SLC1A1: variants seen among roughly 807,000 people sequenced by gnomAD.
SLC1A1 encodes the protein excitatory amino acid transporter 3.
SLC1A1 carries 43 observed loss-of-function variants against 53.3 expected under a neutral mutation model. That is an observed-to-expected ratio of 0.81 (90% CI 0.63 to 1.04). The LOEUF (loss-of-function observed/expected upper bound fraction) is 1.04, where lower values mean the gene tolerates loss of function less well. SLC1A1 is among the 50% of genes least tolerant of loss of function. SLC1A1 has a pLI of 0.00. For missense variants in SLC1A1, 748 were observed against 664.9 expected (o/e 1.12, Z -1.37); for synonymous variants, 307 against 243.2 (o/e 1.26, Z -2.44).
intron 5 of SLC1A1, 96 bp downstream of exon 5, chr9:4,566,185 C>T (rs1819470316): frequency 8.8e-7 from 1 of 1,131,948 alleles, no homozygotes; most frequent in East Asian, 2.3e-5. Context: ...TGGAATTAGC[C>T]CCGTGAAAAT....
chr9:4,561,059 T>C (rs1268767851), intron 2 of SLC1A1, among the ~76,000 whole-genome samples: 2 of 152,166 alleles, frequency 1.3e-5, no homozygotes, highest in Non-Finnish European at 2.9e-5. Context: ...GATAAATTTT[T>C]CCTAGATAAC....
intron 1 of SLC1A1, among the ~76,000 whole-genome samples, chr9:4,492,291 A>G (rs1563988637): frequency 6.6e-6 from 1 of 152,176 alleles, no homozygotes; most frequent in Non-Finnish European, 1.5e-5. Context: ...TAGTGATAAG[A>G]GTCGAGGATT....
intron 3 of SLC1A1, among the ~76,000 whole-genome samples, chr9:4,562,422 A>G (rs988646436): frequency 6.6e-6 from 1 of 152,154 alleles, no homozygotes; most frequent in Non-Finnish European, 1.5e-5. Context: ...AGTGGAGTTG[A>G]GTATAATTAT....
chr9:4,523,778 C>T (rs770499787), intron 1 of SLC1A1, among the ~76,000 whole-genome samples: 1 of 152,154 alleles, frequency 6.6e-6, no homozygotes, highest in African/African-American at 2.4e-5. Context: ...TACATATAGT[C>T]TCATTTTAAA....
In SLC1A1 at chr9:4,586,942, T is replaced by C. The variant is rs1429556980; in HGVS notation, c.*1384T>C. 9 of 152,628 alleles carry C rather than the reference T, an allele frequency of 5.9e-5. No homozygotes were observed. The highest frequency in any genetic ancestry group is 4.6e-4 in the Admixed American group (7 of 15,276). 9.5% of individuals were successfully genotyped at this position (152,628 alleles called of 1,614,324 possible). On this transcript the variant is annotated 3_prime_UTR_variant, in exon 12 of 12. Coordinates refer to ENST00000262352, the MANE Select transcript of SLC1A1 (RefSeq NM_004170.6). ...GCTAATTTATGAAGATAGTTTATTA[T>C]AGTCTGTACTTCAGTTCTCATCTTG...
At chr9:4,562,265 G>A (rs113161979) in intron 3 of SLC1A1, among the ~76,000 whole-genome samples, 1 of 151,616 alleles carries the variant, frequency 6.6e-6, no homozygotes, top group Admixed American at 6.6e-5. Flanking sequence ...ATAGAGACAG[G>A]GTTTCACCAT....
intron 1 of SLC1A1, among the ~76,000 whole-genome samples, chr9:4,504,259 G>A (rs568074346): frequency 6.6e-6 from 1 of 152,142 alleles, no homozygotes; most frequent in Non-Finnish European, 1.5e-5. Context: ...AGCCTTTTCA[G>A]CTACGGTATT....
At chr9:4,490,857 TG>T in intron 1 of SLC1A1, 87 bp downstream of exon 1, 1 of 1,144,778 alleles carries the variant, frequency 8.7e-7, no homozygotes, top group Non-Finnish European at 1.3e-6. Flanking sequence ...GGCTTGGCGC[TG>T]GCGCACTCCA....
At chr9:4,545,624 G>A (rs943813997) in intron 2 of SLC1A1, among the ~76,000 whole-genome samples, 9 of 152,206 alleles carry the variant, frequency 5.9e-5, no homozygotes, top group Middle Eastern at 3.2e-3. Flanking sequence ...TGTCTGCCCT[G>A]CATATTTGCT....
At chr9:4,538,022 T>C (rs75526227) in intron 1 of SLC1A1, among the ~76,000 whole-genome samples, 1,633 of 152,298 alleles carry the variant, frequency 0.011, 60 homozygotes, top group East Asian at 0.1. Context: ...TTTTAAATTA[T>C]AAGAGATAAT....
In SLC1A1 at chr9:4,566,149, GT is replaced by G. The variant is rs998543663; in HGVS notation, c.483+67del. The G allele has an allele frequency of 3.8e-5, 55 of 1,444,474 alleles. No individual in the cohort carries two copies. The African/African-American group carries it at 5.0e-4, about 13-fold the overall frequency. 89.5% of individuals were successfully genotyped at this position (1,444,474 alleles called of 1,614,324 possible). A position where few individuals can be genotyped will look rare whatever the true frequency, so the allele number is the denominator to read the frequency against. ...CCTCTTCCCATTATCAATTAAAAAT[GT>G]TTTTTTCTGCTGTGACTCAAGAAAT... is the stretch of plus-strand genomic sequence containing the variant. On this transcript the variant is annotated intron_variant, in intron 5 of 11. Coordinates refer to ENST00000262352, the MANE Select transcript of SLC1A1 (RefSeq NM_004170.6).
At chr9:4,503,362 C>T (rs925464457) in intron 1 of SLC1A1, among the ~76,000 whole-genome samples, 2 of 151,902 alleles carry the variant, frequency 1.3e-5, no homozygotes, top group African/African-American at 4.9e-5. Context: ...TTAAATTGAG[C>T]AAGTACTGAT....
At chr9:4,514,898 T>TTTACA (rs1329522543) in intron 1 of SLC1A1, among the ~76,000 whole-genome samples, 5 of 152,146 alleles carry the variant, frequency 3.3e-5, no homozygotes, top group East Asian at 1.9e-4. Context: ...CATCACTCAC[T>TTTACA]TTACATTACA....
intron 3 of SLC1A1, among the ~76,000 whole-genome samples, chr9:4,562,258 G>A (rs1288844855): frequency 6.6e-6 from 1 of 151,176 alleles, no homozygotes; most frequent in Non-Finnish European, 1.5e-5. Flanking sequence ...TTTTTAAATA[G>A]AGACAGGGTT....
chr9:4,502,519 G>C (rs931031277), intron 1 of SLC1A1, among the ~76,000 whole-genome samples: 9 of 149,030 alleles, frequency 6.0e-5, no homozygotes, highest in Non-Finnish European at 1.2e-4. Context: ...TATTTATTGA[G>C]AATTTACCAC....
intron 2 of SLC1A1, chr9:4,553,695 A>T (rs931631626): frequency 6.6e-6 from 1 of 152,146 alleles, no homozygotes; most frequent in African/African-American, 2.4e-5. Context: ...GCATGTTTTG[A>T]ACTTCAAATG....
intron 7 of SLC1A1, 68 bp from the exon 8 acceptor site, chr9:4,573,839 T>G: frequency 9.1e-7 from 1 of 1,093,638 alleles, no homozygotes; most frequent in Non-Finnish European, 1.4e-6. Flanking sequence ...GAGTGTTCCT[T>G]CCCCACCAAC....
Position 4,583,880 on chromosome 9 carries a change from TCTCA to T in SLC1A1, c.1328+710_1328+713del, listed in dbSNP as rs1461736638. On this transcript the variant is annotated intron_variant, in intron 11 of 11. Coordinates refer to ENST00000262352, the MANE Select transcript of SLC1A1 (RefSeq NM_004170.6). This position sits in a 1 kb window ranked among gnomAD's most constrained non-coding sequence, Gnocchi z 4.6. Reference sequence around the variant, plus strand: ...CTCTCTCTCTCTCTCTCTCTCTCTCTCTCACACACACACACACACACACACACAC... The same window carrying T: ...CTCTCTCTCTCTCTCTCTCTCTCTCTCACACACACACACACACACACACAC... Among the ~76,000 whole-genome samples, 52 of 131,610 alleles carry T rather than the reference TCTCA, an allele frequency of 4.0e-4. No homozygotes were observed. Among genetic ancestry groups the T allele is most frequent in the Non-Finnish European group, 5.6e-4 (36 of 64,686 alleles). The allele number at this position is 131,610 out of a possible 152,430, so 86.3% of individuals were successfully genotyped here.
At chr9:4,537,277 C>CTACAACATGGATGTACCTT (rs1586725300) in intron 1 of SLC1A1, among the ~76,000 whole-genome samples, 1 of 119,516 alleles carries the variant, frequency 8.4e-6, no homozygotes, top group Admixed American at 8.5e-5. Context: ...AAATCACATG[C>CTACAACATGGATGTACCTT]GGCCGGGCGC....
Sources: gnomAD v4.1 joint callset for allele counts (sites outside exome capture counted in the v4.1 genomes callset) on GRCh38, gnomAD v4.1.1 for gene constraint, Gnocchi (gnomAD v3.1) non-coding constraint, MANE v1.5 for transcripts, NCBI Gene and HGNC (gene_info 2026-07-23, HGNC 2026-07-21) for gene names.